The following PTER variants were observed in gnomAD, a reference collection of about 807,000 sequenced individuals.
PTER encodes N-acetyltaurine hydrolase.
A neutral mutation model predicts 29.6 loss-of-function variants in PTER; 38 were observed. That is an observed-to-expected ratio of 1.28 (90% CI 0.99 to 1.68). The LOEUF (loss-of-function observed/expected upper bound fraction) is 1.68, where lower values mean the gene tolerates loss of function less well. Ranked by LOEUF, PTER falls within the 40% of genes most tolerant of loss-of-function variation. PTER has a pLI of 0.00. For synonymous variants in PTER, 172 were observed against 154.5 expected, an observed-to-expected ratio of 1.11 and a Z score of -0.84; for missense variants, 482 against 427.8, an observed-to-expected ratio of 1.13 and a Z score of -1.12.
chr10:16,514,946 A>T (rs541296095), downstream of PTER, among the ~76,000 whole-genome samples: 1 of 152,294 alleles, frequency 6.6e-6, no homozygotes, highest in African/African-American at 2.4e-5. Context: ...TGGCAGTCTT[A>T]TCTAACTACA....
chr10:16,471,338 T>A lies in PTER; in HGVS notation c.-48-12999T>A, dbSNP rs1835045767. Among the ~76,000 whole-genome samples the A allele has an allele frequency of 3.3e-5, 5 of 152,214 alleles. No individual in the cohort carries two copies. The South Asian group carries it at 1.0e-3, about 32-fold the overall frequency. On this transcript the variant is annotated intron_variant, in intron 1 of 4. Transcript: ENST00000535784. ...AATGTATATGTTACTATTTTACCTGTGACATTACAATAAGCATCTGATGGA... is the reference window on the plus strand; with the variant it reads ...AATGTATATGTTACTATTTTACCTGAGACATTACAATAAGCATCTGATGGA...
At chr10:16,490,010 G>A (rs564445666) in intron 3 of PTER, among the ~76,000 whole-genome samples, 35 of 152,202 alleles carry the variant, frequency 2.3e-4, no homozygotes, top group African/African-American at 8.4e-4. Flanking sequence ...CTTAAGATGG[G>A]TTATGTTCCA....
intron 3 of PTER, among the ~76,000 whole-genome samples, chr10:16,497,977 T>C (rs934499683): frequency 1.3e-5 from 2 of 152,176 alleles, no homozygotes; most frequent in African/African-American, 4.8e-5. Context: ...CTGTTTCTTA[T>C]ATACAGAAAA....
Position 16,456,233 on chromosome 10 carries a change from A to T in PTER, c.-49+19186A>T, listed in dbSNP as rs1474462884. 3.9e-5 allele frequency among the ~76,000 whole-genome samples: 6 copies of T among 152,190 alleles called. No individual in the cohort carries two copies. The East Asian group carries it at 1.2e-3, about 29-fold the overall frequency. ...AAGTTCACTTATCCATCCATCCATAAACATTTACAGAATCCTGCTATGGGC... is the reference window on the plus strand; with the variant it reads ...AAGTTCACTTATCCATCCATCCATATACATTTACAGAATCCTGCTATGGGC... On this transcript the variant is annotated intron_variant, in intron 1 of 4. Coordinates refer to ENST00000535784, the MANE Select transcript of PTER (RefSeq NM_001261836.2).
chr10:16,500,338 C>T (rs1308348864), intron 3 of PTER, among the ~76,000 whole-genome samples: 2 of 151,974 alleles, frequency 1.3e-5, no homozygotes, highest in Non-Finnish European at 2.9e-5. Flanking sequence ...CAGCCTCAAA[C>T]TCTTGGGCTC....
intron 1 of PTER, 122 bp from the exon 2 acceptor site, chr10:16,484,215 G>A: frequency 1.6e-6 from 1 of 627,390 alleles, no homozygotes; most frequent in Non-Finnish European, 2.7e-6. Flanking sequence ...CGTATCTCTA[G>A]TTTTATTGAT....
chr10:16,457,311 C>G (rs61560034), intron 1 of PTER, among the ~76,000 whole-genome samples: 18,874 of 151,754 alleles, frequency 0.12, 1,392 homozygotes, highest in South Asian at 0.25. Context: ...CTCCCGGGTT[C>G]ACGCCATTCT....
In PTER at chr10:16,486,625, G is replaced by C; in HGVS notation, c.698+8G>C. The C allele has an allele frequency of 1.3e-6, 2 of 1,599,652 alleles. No individual in the cohort carries two copies. Among genetic ancestry groups the C allele is most frequent in the Non-Finnish European group, 1.7e-6 (2 of 1,171,842 alleles). ...CATGTCACACCTGGATAGGTAAGTA[G>C]GCTGTCTTACAAATGGATGCAAACT... On this transcript the variant is annotated splice_region_variant and intron_variant, in intron 3 of 4. Coordinates refer to ENST00000535784, the MANE Select transcript of PTER (RefSeq NM_001261836.2).
intron 2 of PTER, among the ~76,000 whole-genome samples, chr10:16,485,651 A>T (rs1375353624): frequency 6.6e-6 from 1 of 152,158 alleles, no homozygotes; most frequent in East Asian, 1.9e-4. Flanking sequence ...TTGTTTAAAG[A>T]CTATGCTGAT....
chr10:16,460,735 T>C lies in PTER; in HGVS notation c.-48-23602T>C, dbSNP rs545813170. 2.0e-5 allele frequency among the ~76,000 whole-genome samples: 3 copies of C among 152,296 alleles called. No homozygotes were observed. In the East Asian group the frequency reaches 5.8e-4, roughly 29 times the overall value. On this transcript the variant is annotated intron_variant, in intron 1 of 4. Transcript: ENST00000535784. ...AGATATAAGTCTAATCAAAAAGAGA[T>C]GAAAATTACAGTCTTTTTTTTTAAA...
At chr10:16,505,882 G>A (rs1836541833) in intron 4 of PTER, among the ~76,000 whole-genome samples, 1 of 152,136 alleles carries the variant, frequency 6.6e-6, no homozygotes, top group African/African-American at 2.4e-5. Flanking sequence ...GAAGCCCTAA[G>A]ATATGGTTTG....
At chr10:16,515,190 C>G (rs946070804), downstream of PTER, among the ~76,000 whole-genome samples, 2 of 150,162 alleles carry the variant, frequency 1.3e-5, no homozygotes, top group African/African-American at 4.9e-5. Context: ...CTAAAAATAC[C>G]CAGGAAAATA....
chr10:16,473,778 A>T (rs755692137), intron 1 of PTER, among the ~76,000 whole-genome samples: 1 of 152,064 alleles, frequency 6.6e-6, no homozygotes, highest in Non-Finnish European at 1.5e-5. Context: ...CCAAAGCCAA[A>T]GTCTGGCTGT....
intron 1 of PTER, among the ~76,000 whole-genome samples, chr10:16,469,846 G>T (rs1834979464): frequency 6.6e-6 from 1 of 151,928 alleles, no homozygotes. Context: ...CCAAAGTGGT[G>T]CTGGGGTTAT....
intron 3 of PTER, 96 bp downstream of exon 3, chr10:16,486,713 C>T (rs530492474): frequency 1.5e-4 from 199 of 1,347,214 alleles, no homozygotes; most frequent in Non-Finnish European, 1.9e-4. Context: ...CAATACTAAT[C>T]ACGCAGAGAA....
chr10:16,459,222 C>T (rs1834518459), intron 1 of PTER, among the ~76,000 whole-genome samples: 1 of 152,130 alleles, frequency 6.6e-6, no homozygotes, highest in South Asian at 2.1e-4. Flanking sequence ...CAAGAGATTC[C>T]AGTTGATAAG....
At chr10:16,440,953 TG>T (rs1833828312) in intron 1 of PTER, among the ~76,000 whole-genome samples, 1 of 152,194 alleles carries the variant, frequency 6.6e-6, no homozygotes, top group Non-Finnish European at 1.5e-5. Flanking sequence ...TTGGGAGCTG[TG>T]GGGAGGGCCC....
chr10:16,482,439 AT>A (rs1835515626), intron 1 of PTER, among the ~76,000 whole-genome samples: 1 of 152,136 alleles, frequency 6.6e-6, no homozygotes, highest in Non-Finnish European at 1.5e-5. Context: ...CAAAGCTACT[AT>A]TTGTTGAATA....
intron 1 of PTER, among the ~76,000 whole-genome samples, chr10:16,448,287 C>G (rs1834085898): frequency 6.6e-6 from 1 of 152,182 alleles, no homozygotes; most frequent in Non-Finnish European, 1.5e-5. Flanking sequence ...TCATATGGTC[C>G]AAGTGGCAGA....
Sources: allele counts gnomAD v4.1 joint callset (sites outside exome capture counted in the v4.1 genomes callset), GRCh38; gene constraint gnomAD v4.1.1; transcripts MANE v1.5; gene names NCBI Gene and HGNC (gene_info 2026-07-23, HGNC 2026-07-21).